The following ZSCAN5A variants were observed in gnomAD, a reference collection of about 807,000 sequenced individuals.
The protein encoded by ZSCAN5A is zinc finger and SCAN domain containing 5A.
In ZSCAN5A, 12 loss-of-function variants were observed where a neutral mutation model predicts 23.7. That is an observed-to-expected ratio of 0.51 (90% confidence interval 0.32 to 0.82). The LOEUF is 0.82. ZSCAN5A is among the 40% of genes least tolerant of loss of function. The probability of loss-of-function intolerance (pLI) is 0.03; values close to 1 mark genes in which losing one functional copy is unlikely to be tolerated. For synonymous variants in ZSCAN5A, 257 were observed against 239.9 expected (o/e 1.07, Z -0.66); for missense variants, 597 against 617.9 (o/e 0.97, Z 0.36).
intron 2 of ZSCAN5A, among the ~76,000 whole-genome samples, chr19:56,241,438 C>CA (rs1406715054): frequency 6.6e-6 from 1 of 151,372 alleles, no homozygotes; most frequent in Non-Finnish European, 1.5e-5. Context: ...ATGCTTTTTT[C>CA]AAAAAAAATT....
intron 2 of ZSCAN5A, chr19:56,321,309 C>T (rs1196697164): frequency 1.5e-6 from 1 of 659,000 alleles, no homozygotes; most frequent in Admixed American, 2.2e-5. Flanking sequence ...TCGCCCATCA[C>T]TGGTCAAGAA....
chr19:56,328,998 A>T (rs1246395813), intron 2 of ZSCAN5A, among the ~76,000 whole-genome samples: 1 of 146,152 alleles, frequency 6.8e-6, no homozygotes, highest in East Asian at 2.0e-4. Flanking sequence ...CCGTCTCAAA[A>T]AAAAAAAAAA....
intron 2 of ZSCAN5A, among the ~76,000 whole-genome samples, chr19:56,290,663 A>G (rs2039449009): frequency 6.6e-6 from 1 of 152,164 alleles, no homozygotes; most frequent in Non-Finnish European, 1.5e-5. Flanking sequence ...GTTTAAGATC[A>G]GCCTGGGCAA....
rs974258507 is a variant in ZSCAN5A at position 56,258,424 on chromosome 19, C to T, written c.-127-33251G>A. ...CCTTCCAGTGTGGGGGTGACGGACA[C>T]GCCTTCCAGTGTGGGTGTTGACAGA... On this transcript the variant is annotated intron_variant, in intron 2 of 5. Coordinates refer to ENST00000683990, the MANE Select transcript of ZSCAN5A (RefSeq NM_001322064.3). 4.3e-5 allele frequency among the ~76,000 whole-genome samples: 6 copies of T among 139,742 alleles called. No individual in the cohort carries two copies. The South Asian group carries it at 6.5e-4, about 15-fold the overall frequency. 91.7% of individuals were successfully genotyped at this position (139,742 alleles called of 152,430 possible).
At chr19:56,344,115 A>G (rs1467706409) in intron 2 of ZSCAN5A, among the ~76,000 whole-genome samples, 1 of 152,238 alleles carries the variant, frequency 6.6e-6, no homozygotes, top group Non-Finnish European at 1.5e-5. Context: ...AACTGACTCC[A>G]TCTTGACTCT....
upstream of ZSCAN5A, chr19:56,317,813 G>C (rs985377475): frequency 6.6e-6 from 1 of 152,410 alleles, no homozygotes; most frequent in Non-Finnish European, 1.5e-5. Flanking sequence ...CCTTGACTAT[G>C]GGAGTGTTTT....
chr19:56,326,305 TTGTGTGTGTGTGTG>T (rs368735639), intron 2 of ZSCAN5A, among the ~76,000 whole-genome samples: 5 of 145,536 alleles, frequency 3.4e-5, no homozygotes, highest in Non-Finnish European at 7.6e-5. Flanking sequence ...ACAGTTACCA[TTGTGTGTGTGTGTG>T]TGTGTGTGTG....
intron 2 of ZSCAN5A, among the ~76,000 whole-genome samples, chr19:56,289,424 G>A (rs2039363460): frequency 6.6e-6 from 1 of 152,182 alleles, no homozygotes; most frequent in South Asian, 2.1e-4. Flanking sequence ...GAAAGATGGT[G>A]GAGCAGTCTC....
intron 2 of ZSCAN5A, among the ~76,000 whole-genome samples, chr19:56,291,802 T>A (rs1173721479): frequency 1.3e-5 from 2 of 152,136 alleles, no homozygotes; most frequent in Non-Finnish European, 2.9e-5. Flanking sequence ...TTCAAATAGA[T>A]GGGATGTCTC....
intron 2 of ZSCAN5A, among the ~76,000 whole-genome samples, chr19:56,245,739 T>TGAA (rs1568640137): frequency 2.6e-5 from 4 of 152,246 alleles, no homozygotes; most frequent in African/African-American, 9.6e-5. Flanking sequence ...AGACATTTAA[T>TGAA]GTCATAATTC....
intron 2 of ZSCAN5A, among the ~76,000 whole-genome samples, chr19:56,353,001 C>T (rs914192562): frequency 6.6e-6 from 1 of 152,246 alleles, no homozygotes; most frequent in Non-Finnish European, 1.5e-5. Context: ...AGCTGCATCC[C>T]TGGCCCCTGC....
At chr19:56,251,949 C>A (rs1210993711) in intron 2 of ZSCAN5A, among the ~76,000 whole-genome samples, 1 of 152,132 alleles carries the variant, frequency 6.6e-6, no homozygotes, top group Non-Finnish European at 1.5e-5. Context: ...CCTGCAAAAC[C>A]TAAAATATAT....
rs1380064716 is a variant in ZSCAN5A, at chr19:56,228,618, A to G, written c.-127-3445T>C. On this transcript the variant is annotated intron_variant, in intron 2 of 5. Transcript: ENST00000683990. ...GACAGTAATATCCTAACAAGTAAAGAACATGTTAAGAGCTGGTGGATTAGT... is the reference window on the plus strand; with the variant it reads ...GACAGTAATATCCTAACAAGTAAAGGACATGTTAAGAGCTGGTGGATTAGT... 2.6e-5 allele frequency among the ~76,000 whole-genome samples: 4 copies of G among 152,180 alleles called. No individual in the cohort carries two copies. The East Asian group carries it at 7.7e-4, about 29-fold the overall frequency.
chr19:56,281,451 C>T lies in ZSCAN5A; in HGVS notation c.-128+31832G>A, dbSNP rs142075032. On this transcript the variant is annotated intron_variant, in intron 2 of 5. Coordinates refer to ENST00000683990, the MANE Select transcript of ZSCAN5A (RefSeq NM_001322064.3). ...AAGTTAAAGAAGGGTTTCTAACACTCGTGCCACTACAATGCTATCGCTGTA... is the reference window on the plus strand; with the variant it reads ...AAGTTAAAGAAGGGTTTCTAACACTTGTGCCACTACAATGCTATCGCTGTA... Among the ~76,000 whole-genome samples, 221 of 152,242 alleles carry T rather than the reference C, an allele frequency of 1.5e-3. 1 individual carries two copies. Among genetic ancestry groups the T allele is most frequent in the African/African-American group, 5.0e-3 (207 of 41,546 alleles).
chr19:56,301,305 G>A (rs760228324), intron 2 of ZSCAN5A, among the ~76,000 whole-genome samples: 9 of 152,082 alleles, frequency 5.9e-5, no homozygotes, highest in Non-Finnish European at 1.2e-4. Flanking sequence ...GGAAGGAGTG[G>A]AGATTTCCTG....
intron 2 of ZSCAN5A, among the ~76,000 whole-genome samples, chr19:56,302,325 C>CTT (rs372347890): frequency 0.63 from 89,743 of 143,244 alleles, 28,852 homozygotes; most frequent in African/African-American, 0.8. Context: ...TCCCTCCCTC[C>CTT]CCTTCCTCCT....
intron 2 of ZSCAN5A, among the ~76,000 whole-genome samples, chr19:56,353,769 G>GA (rs1206548772): frequency 5.3e-5 from 8 of 151,786 alleles, no homozygotes; most frequent in Non-Finnish European, 1.0e-4. Flanking sequence ...GTGACAGAGC[G>GA]AGACTCTGTC....
chr19:56,367,539 A>G (rs2041778483), intron 1 of ZSCAN5A, among the ~76,000 whole-genome samples: 1 of 152,222 alleles, frequency 6.6e-6, no homozygotes, highest in Admixed American at 6.5e-5. Flanking sequence ...GAGTTGGTAA[A>G]TAGCTCAAAA....
chr19:56,225,625 A>G (rs1473532974), intron 2 of ZSCAN5A, among the ~76,000 whole-genome samples: 1 of 152,248 alleles, frequency 6.6e-6, no homozygotes, highest in East Asian at 1.9e-4. Flanking sequence ...TACTTGCTCC[A>G]GGGAAGGGAC....
Sources: allele counts gnomAD v4.1 joint callset (sites outside exome capture counted in the v4.1 genomes callset), GRCh38; gene constraint gnomAD v4.1.1; transcripts MANE v1.5; gene names NCBI Gene and HGNC (gene_info 2026-07-23, HGNC 2026-07-21).